The following TBC1D22A variants were observed in gnomAD, a reference collection of about 807,000 sequenced individuals.
TBC1D22A encodes putative GTPase activator.
Under a neutral mutation model 60.2 loss-of-function variants are expected in TBC1D22A, and 38 were observed. The observed-to-expected ratio is 0.63, with a 90% CI of 0.49 to 0.83. The LOEUF is 0.83. Ranked by LOEUF, TBC1D22A falls within the 40% of genes least tolerant of loss-of-function variation. TBC1D22A has a pLI of 0.00. For missense variants in TBC1D22A, 628 were observed against 701.0 expected (o/e 0.90, Z 1.18); for synonymous variants, 302 against 281.7 (o/e 1.07, Z -0.72).
chr22:46,905,557 G>T (rs1020238187), intron 7 of TBC1D22A, among the ~76,000 whole-genome samples: 1 of 152,234 alleles, frequency 6.6e-6, no homozygotes, highest in African/African-American at 2.4e-5. Flanking sequence ...AGGAGGGCAC[G>T]GGGTGGCCGC....
At chr22:47,157,689 C>G (rs76170156) in intron 12 of TBC1D22A, among the ~76,000 whole-genome samples, 1 of 152,204 alleles carries the variant, frequency 6.6e-6, no homozygotes, top group African/African-American at 2.4e-5. Flanking sequence ...CGCTGACCCT[C>G]GCTCCGAGTC....
chr22:46,893,698 T>TC (rs1278508315), intron 6 of TBC1D22A, among the ~76,000 whole-genome samples: 1 of 152,206 alleles, frequency 6.6e-6, no homozygotes, highest in Non-Finnish European at 1.5e-5. Flanking sequence ...GCACCTGGGC[T>TC]CCTGCATGGG....
chr22:47,023,210 A>C (rs2062147034), intron 10 of TBC1D22A, among the ~76,000 whole-genome samples: 1 of 152,384 alleles, frequency 6.6e-6, no homozygotes, highest in Admixed American at 6.5e-5. Flanking sequence ...ACTTACAGAG[A>C]GGAAAGACCA....
chr22:46,863,267 A>G (rs1290740109), intron 4 of TBC1D22A, among the ~76,000 whole-genome samples: 6 of 152,184 alleles, frequency 3.9e-5, no homozygotes, highest in African/African-American at 1.4e-4. Context: ...GAGGAGCTGG[A>G]GGCTTCATGG....
chr22:47,126,465 G>C (rs1424217690), intron 12 of TBC1D22A, among the ~76,000 whole-genome samples: 1 of 152,190 alleles, frequency 6.6e-6, no homozygotes, highest in Non-Finnish European at 1.5e-5. Context: ...GGCCCCGCCG[G>C]GGCCCACAGG....
At chr22:46,922,119 C>T (rs1411083672) in intron 8 of TBC1D22A, among the ~76,000 whole-genome samples, 1 of 152,180 alleles carries the variant, frequency 6.6e-6, no homozygotes, top group Non-Finnish European at 1.5e-5. Flanking sequence ...CCAGTTATCC[C>T]AGCACCATTT....
intron 11 of TBC1D22A, among the ~76,000 whole-genome samples, chr22:47,080,349 C>T (rs1015978612): frequency 2.2e-4 from 33 of 152,244 alleles, no homozygotes; most frequent in African/African-American, 7.2e-4. Flanking sequence ...TACTCAGTAA[C>T]GAATCACCAT....
chr22:47,132,791 G>A (rs1053547392), intron 12 of TBC1D22A, among the ~76,000 whole-genome samples: 8 of 152,220 alleles, frequency 5.3e-5, no homozygotes, highest in African/African-American at 1.4e-4. Context: ...GCTTGAAGGC[G>A]GGCTGTTTGC....
At chr22:47,033,622 T>C (rs1362514217) in intron 10 of TBC1D22A, among the ~76,000 whole-genome samples, 2 of 152,096 alleles carry the variant, frequency 1.3e-5, no homozygotes, top group Non-Finnish European at 2.9e-5. Context: ...CATAGAGGTG[T>C]GTATAGAACG....
At chr22:46,847,934 TGTGTGTGTGTGTGTGTGTGTGC>T (rs1247843898) in intron 4 of TBC1D22A, among the ~76,000 whole-genome samples, 239 of 124,046 alleles carry the variant, frequency 1.9e-3, no homozygotes, top group African/African-American at 7.4e-3. Context: ...TGTGTGTGTG[TGTGTGTGTGTGTGTGTGTGTGC>T]GCGCGCGCAC....
chr22:46,819,628 A>G (rs139287273), intron 4 of TBC1D22A, among the ~76,000 whole-genome samples: 1 of 152,158 alleles, frequency 6.6e-6, no homozygotes, highest in African/African-American at 2.4e-5. Flanking sequence ...GTGCTGCTGG[A>G]TTTGGTTCGC....
chr22:47,106,168 C>G (rs1177015450), intron 11 of TBC1D22A, among the ~76,000 whole-genome samples: 5 of 151,902 alleles, frequency 3.3e-5, no homozygotes, highest in Non-Finnish European at 7.4e-5. Flanking sequence ...AAAAGAGAGG[C>G]TAAAGGAAAT....
chr22:46,899,966 ATCTATCGAAACATTTGC>A (rs1395901188), intron 7 of TBC1D22A, among the ~76,000 whole-genome samples: 4 of 152,052 alleles, frequency 2.6e-5, no homozygotes, highest in African/African-American at 9.7e-5. Context: ...AACCCCCTGC[ATCTATCGAAACATTTGC>A]TTATCCATTC....
intron 4 of TBC1D22A, among the ~76,000 whole-genome samples, chr22:46,834,437 A>G (rs960425544): frequency 5.9e-5 from 9 of 152,202 alleles, no homozygotes; most frequent in African/African-American, 1.7e-4. Flanking sequence ...TCACTTATCC[A>G]TAACACCCCT....
At chr22:46,880,119 G>A (rs993879436) in intron 5 of TBC1D22A, among the ~76,000 whole-genome samples, 1 of 152,230 alleles carries the variant, frequency 6.6e-6, no homozygotes, top group Non-Finnish European at 1.5e-5. Flanking sequence ...GGTTGAGGGC[G>A]CACTGGCGAC....
At chr22:46,909,285 C>T (rs1468831829) in intron 7 of TBC1D22A, among the ~76,000 whole-genome samples, 4 of 142,264 alleles carry the variant, frequency 2.8e-5, no homozygotes, top group Admixed American at 7.2e-5. Context: ...CTAAATTCTT[C>T]CTATACACAT....
intron 4 of TBC1D22A, among the ~76,000 whole-genome samples, chr22:46,810,224 T>G (rs1473875290): frequency 6.6e-6 from 1 of 152,252 alleles, no homozygotes; most frequent in Non-Finnish European, 1.5e-5. Context: ...AGCTGCATTA[T>G]ACGAAGTTAA....
At chr22:47,018,446 A>G (rs1469252572) in intron 10 of TBC1D22A, among the ~76,000 whole-genome samples, 2 of 152,118 alleles carry the variant, frequency 1.3e-5, no homozygotes, top group Non-Finnish European at 2.9e-5. Context: ...CATTGGCTAG[A>G]CTGCTTTTAA....
At chr22:46,813,698 A>T (rs755507194) in intron 4 of TBC1D22A, among the ~76,000 whole-genome samples, 3 of 152,194 alleles carry the variant, frequency 2.0e-5, no homozygotes, top group Admixed American at 6.5e-5. Flanking sequence ...AACACAGAGG[A>T]ACGAGTAATG....
Sources: allele counts gnomAD v4.1 joint callset (sites outside exome capture counted in the v4.1 genomes callset), GRCh38; gene constraint gnomAD v4.1.1; transcripts MANE v1.5; gene names NCBI Gene and HGNC (gene_info 2026-07-23, HGNC 2026-07-21).